The following RPAP2 variants were observed in gnomAD, a reference collection of about 807,000 sequenced individuals.
RPAP2 encodes putative RNA polymerase II subunit B1 CTD phosphatase RPAP2.
RPAP2 carries 52 observed loss-of-function variants against 73.1 expected under a neutral mutation model. That is an observed-to-expected ratio of 0.71 (90% CI 0.57 to 0.90). The LOEUF (loss-of-function observed/expected upper bound fraction) is 0.90. RPAP2 is among the 40% of genes least tolerant of loss of function. RPAP2 has a pLI of 0.00. For missense variants in RPAP2, 598 were observed against 701.8 expected (o/e 0.85, Z 1.67); for synonymous variants, 225 against 242.1 (o/e 0.93, Z 0.65).
At chr1:92,300,365 G>A (rs1650738458) in intron 2 of RPAP2, 126 bp downstream of exon 2, 2 of 699,982 alleles carry the variant, frequency 2.9e-6, no homozygotes, top group Admixed American at 2.5e-5. Context: ...GGAAGGGAAA[G>A]ATCTGGGAAG....
chr1:92,344,559 C>G (rs1157356516), intron 10 of RPAP2, among the ~76,000 whole-genome samples: 1 of 152,006 alleles, frequency 6.6e-6, no homozygotes, highest in South Asian at 2.1e-4. Flanking sequence ...GCATTAAAAC[C>G]CATTTTTTTA....
intron 6 of RPAP2, among the ~76,000 whole-genome samples, chr1:92,312,539 G>C (rs1227896712): frequency 6.6e-6 from 1 of 152,174 alleles, no homozygotes; most frequent in African/African-American, 2.4e-5. Flanking sequence ...CCTTCATCAG[G>C]AGTAGATTCC....
In RPAP2 at chr1:92,324,437, A is replaced by G. The variant is rs372305888; in HGVS notation, c.1455+62A>G. 27 of 1,214,634 alleles carry G rather than the reference A, an allele frequency of 2.2e-5. No individual in the cohort carries two copies. In the African/African-American group the frequency reaches 3.8e-4, roughly 17 times the overall value. 75.2% of individuals were successfully genotyped at this position (1,214,634 alleles called of 1,614,324 possible). A position where few individuals can be genotyped will look rare whatever the true frequency, so the allele number is the denominator to read the frequency against. On this transcript the variant is annotated intron_variant, in intron 8 of 12. Transcript: ENST00000610020. ...AACATTTGGAAAACTCACCACAGCAAATCTTGGAGCAGGAAGGATATTGAA... is the reference window on the plus strand; with the variant it reads ...AACATTTGGAAAACTCACCACAGCAGATCTTGGAGCAGGAAGGATATTGAA...
intron 11 of RPAP2, among the ~76,000 whole-genome samples, chr1:92,370,148 G>T (rs996618127): frequency 6.6e-6 from 1 of 152,228 alleles, no homozygotes; most frequent in African/African-American, 2.4e-5. Context: ...GCCTCCCAAA[G>T]TGCTGGGATT....
At position 92,390,286 on chromosome 1, in the gene RPAP2, A is replaced by G. The variant is rs1656002750; in HGVS notation, c.*3275A>G. On this transcript the variant is annotated 3_prime_UTR_variant, in exon 13 of 13. Coordinates refer to ENST00000610020, the MANE Select transcript of RPAP2 (RefSeq NM_024813.3). The stretch of plus-strand genomic sequence containing the variant: ...ATTTTCAACCCAGAATCTCATATCC[A>G]GCCAAACTAAGCTTCTTAAGTGAAG... 1 of 152,242 alleles carries G rather than the reference A, an allele frequency of 6.6e-6. No homozygotes were observed. Among genetic ancestry groups the G allele is most frequent in the Admixed American group, 6.5e-5 (1 of 15,290 alleles). The allele number at this position is 152,242 out of a possible 1,614,324, so 9.4% of individuals were successfully genotyped here.
intron 11 of RPAP2, among the ~76,000 whole-genome samples, chr1:92,377,728 C>G (rs1655450032): frequency 6.6e-6 from 1 of 152,110 alleles, no homozygotes; most frequent in Non-Finnish European, 1.5e-5. Context: ...GCCATGGGCT[C>G]AGGAACATGT....
chr1:92,343,000 T>C (rs966620620), intron 10 of RPAP2, among the ~76,000 whole-genome samples: 3 of 152,194 alleles, frequency 2.0e-5, no homozygotes, highest in African/African-American at 7.2e-5. Flanking sequence ...AGACTAGAGC[T>C]AATACATTTG....
chr1:92,357,751 C>G (rs1473840246), intron 11 of RPAP2, among the ~76,000 whole-genome samples: 1 of 152,210 alleles, frequency 6.6e-6, no homozygotes, highest in African/African-American at 2.4e-5. Context: ...AGGCTGGTCT[C>G]GAACTCTTGG....
chr1:92,307,230 G>A lies in RPAP2; in HGVS notation c.442G>A (p.Glu148Lys). Reference sequence around the variant, plus strand: ...TTGTTATCAAGCATCTAAGTTTTTTGAAGCACAAATTCCCAAAACTCCAGT... The same window carrying A: ...TTGTTATCAAGCATCTAAGTTTTTTAAAGCACAAATTCCCAAAACTCCAGT... Reference protein sequence around the residue: ...NFCYQASKFFEAQIPKTPVWV... With the variant: ...NFCYQASKFFKAQIPKTPVWV... Residue 148 changes from glutamate to lysine, a missense_variant, in exon 6 of 13, where the codon GAA (glutamate) becomes AAA (lysine). Coordinates refer to ENST00000610020, the MANE Select transcript of RPAP2 (RefSeq NM_024813.3). 6.2e-7 allele frequency: 1 copy of A among 1,612,692 alleles called. No homozygotes were observed. Among genetic ancestry groups the A allele is most frequent in the Non-Finnish European group, 8.5e-7 (1 of 1,179,540 alleles).
chr1:92,365,704 T>C (rs1654906832), intron 11 of RPAP2, among the ~76,000 whole-genome samples: 1 of 152,234 alleles, frequency 6.6e-6, no homozygotes, highest in Non-Finnish European at 1.5e-5. Flanking sequence ...CTGTTGGTTT[T>C]CATTTGTACG....
chr1:92,382,133 T>G, intron 12 of RPAP2, among the ~76,000 whole-genome samples: 1 of 152,118 alleles, frequency 6.6e-6, no homozygotes. Flanking sequence ...TATTCCATGG[T>G]GTATATGTGC....
At chr1:92,316,899 A>T (rs1419211821) in intron 6 of RPAP2, among the ~76,000 whole-genome samples, 4 of 152,216 alleles carry the variant, frequency 2.6e-5, no homozygotes, top group Admixed American at 2.6e-4. Flanking sequence ...ACCATTCTTT[A>T]TAGATTGGGG....
chr1:92,346,230 G>A (rs1653891253), intron 11 of RPAP2, among the ~76,000 whole-genome samples: 1 of 149,842 alleles, frequency 6.7e-6, no homozygotes, highest in Non-Finnish European at 1.5e-5. Context: ...TTGGTGTGAT[G>A]TCAGCTCACT....
chr1:92,309,542 TACACATACAC>T lies in RPAP2; in HGVS notation c.488+2268_488+2277del, dbSNP rs1486971695. Among the ~76,000 whole-genome samples the T allele has an allele frequency of 1.2e-3, 5 of 4,170 alleles. No individual in the cohort carries two copies. In the Admixed American group the frequency reaches 0.014, roughly 12 times the overall value. The allele number at this position is 4,170 out of a possible 152,430, so 2.7% of individuals were successfully genotyped here. A position where few individuals can be genotyped will look rare whatever the true frequency, so the allele number is the denominator to read the frequency against. ...CTTAGTACCTGGCAGGCTACACACA[TACACATACAC>T]ATACACATACACATACACATATACA... On this transcript the variant is annotated intron_variant, in intron 6 of 12. Coordinates refer to ENST00000610020, the MANE Select transcript of RPAP2 (RefSeq NM_024813.3).
intron 11 of RPAP2, among the ~76,000 whole-genome samples, chr1:92,377,611 A>G (rs1655444244): frequency 6.6e-6 from 1 of 151,678 alleles, no homozygotes; most frequent in African/African-American, 2.4e-5. Context: ...TCATCTCAAG[A>G]GCCAGCCCTG....
chr1:92,313,073 G>A (rs1651693662), intron 6 of RPAP2, among the ~76,000 whole-genome samples: 1 of 152,104 alleles, frequency 6.6e-6, no homozygotes, highest in South Asian at 2.1e-4. Flanking sequence ...TGCCATGTTG[G>A]CCAGGCTGGT....
At chr1:92,341,119 C>T (rs1443235391) in intron 10 of RPAP2, among the ~76,000 whole-genome samples, 1 of 151,986 alleles carries the variant, frequency 6.6e-6, no homozygotes, top group Non-Finnish European at 1.5e-5. Context: ...AGCAATCCTC[C>T]CACCTTAGCC....
chr1:92,312,190 C>T (rs1651631446), intron 6 of RPAP2, among the ~76,000 whole-genome samples: 1 of 152,090 alleles, frequency 6.6e-6, no homozygotes, highest in Non-Finnish European at 1.5e-5. Context: ...GCAGGAGGAT[C>T]ACTTAAACAA....
chr1:92,323,430 T>A lies in RPAP2; in HGVS notation c.525-15T>A. The stretch of plus-strand genomic sequence containing the variant: ...ATTTTTTATTTAGTTATTTTATTTC[T>A]CTTTCATTCTACAGTGGCCATTCTG... On this transcript the variant is annotated splice_polypyrimidine_tract_variant and intron_variant, in intron 7 of 12. Transcript: ENST00000610020. The A allele has an allele frequency of 6.6e-7, 1 of 1,511,036 alleles. No homozygotes were observed. Among genetic ancestry groups the A allele is most frequent in the South Asian group, 1.3e-5 (1 of 77,334 alleles). The allele number at this position is 1,511,036 out of a possible 1,614,324, so 93.6% of individuals were successfully genotyped here. A position where few individuals can be genotyped will look rare whatever the true frequency, so the allele number is the denominator to read the frequency against.
Sources: allele counts gnomAD v4.1 joint callset (sites outside exome capture counted in the v4.1 genomes callset), GRCh38; gene constraint gnomAD v4.1.1; transcripts MANE v1.5; gene names NCBI Gene and HGNC (gene_info 2026-07-23, HGNC 2026-07-21).